Variants in MMP27 observed in about 807,000 individuals in gnomAD.
The protein encoded by MMP27 is matrix metalloproteinase-27.
In MMP27, 51 loss-of-function variants were observed where a neutral mutation model predicts 48.1. The ratio of observed to expected loss-of-function variants is 1.06; its 90% CI spans 0.85 to 1.34. The LOEUF (loss-of-function observed/expected upper bound fraction) is 1.34, where lower values mean the gene tolerates loss of function less well. Among genes scored for constraint, MMP27 ranks in the 40% most tolerant of loss-of-function variants. The pLI, the probability that MMP27 is intolerant of heterozygous loss-of-function variation, is 0.00. For missense variants in MMP27, 698 were observed against 619.3 expected, an observed-to-expected ratio of 1.13 and a Z score of -1.35; for synonymous variants, 229 against 208.9, an observed-to-expected ratio of 1.10 and a Z score of -0.83.
chr11:102,704,858 C>A, intron 1 of MMP27, 83 bp from the exon 2 acceptor site: 2 of 814,886 alleles, frequency 2.5e-6, no homozygotes, highest in East Asian at 2.7e-5. Context: ...GCAAAATTGC[C>A]TAAAATTCCT....
chr11:102,704,389 G>T, intron 2 of MMP27, 148 bp downstream of exon 2: 1 of 700,454 alleles, frequency 1.4e-6, no homozygotes, highest in Non-Finnish European at 2.5e-6. Flanking sequence ...TACAGCACAG[G>T]TTTGTTGGGA....
intron 4 of MMP27, among the ~76,000 whole-genome samples, chr11:102,701,934 A>ACCTG (rs1275957156): frequency 6.6e-6 from 1 of 152,190 alleles, no homozygotes; most frequent in African/African-American, 2.4e-5. Context: ...GACCACTACA[A>ACCTG]CCTGTGCTTT....
Position 102,700,179 on chromosome 11 carries a change from A to G in MMP27, c.619+2574T>C, listed in dbSNP as rs1591660606. Among the ~76,000 whole-genome samples the G allele has an allele frequency of 2.6e-5, 4 of 152,356 alleles. No homozygotes were observed. The South Asian group carries it at 8.3e-4, about 32-fold the overall frequency. On this transcript the variant is annotated intron_variant, in intron 4 of 9. Transcript: ENST00000260229. The stretch of plus-strand genomic sequence containing the variant: ...GAGCCTGAGTCATAGTGGATGTTCA[A>G]TAAATGATCATTGAGTGACTTTATT...
chr11:102,703,682 C>T (rs1462808330), intron 2 of MMP27, among the ~76,000 whole-genome samples: 3 of 152,070 alleles, frequency 2.0e-5, no homozygotes, highest in Non-Finnish European at 2.9e-5. Flanking sequence ...GCCACCAGGC[C>T]CAGCTAATTT....
intron 4 of MMP27, 115 bp downstream of exon 4, chr11:102,702,638 A>T (rs1860962179): frequency 8.0e-7 from 1 of 1,244,674 alleles, no homozygotes; most frequent in Non-Finnish European, 1.1e-6. Flanking sequence ...TGGAATATGG[A>T]AAATTGTGGG....
At position 102,702,799 on chromosome 11, in the gene MMP27, A is replaced by G. The variant is rs544600526; in HGVS notation, c.573T>C (p.Gly191=). ...TTTCATCCTCATCAAAATGAGTGTC[A>G]CCACCCAGACCCGGACCAGGAGGAA... is the stretch of plus-strand genomic sequence containing the variant. ...HAFPPGPGLG[G]DTHFDEDENW... The change falls in exon 4 of 10, where the codon GGT becomes GGC. Residue 191 remains glycine, a synonymous_variant. Transcript: ENST00000260229. 6.9e-5 allele frequency: 111 copies of G among 1,613,926 alleles called. No homozygotes were observed. The highest frequency in any genetic ancestry group is 9.2e-5 in the Non-Finnish European group (108 of 1,179,968).
At chr11:102,700,672 T>C (rs898361414) in intron 4 of MMP27, among the ~76,000 whole-genome samples, 1 of 152,246 alleles carries the variant, frequency 6.6e-6, no homozygotes, top group Non-Finnish European at 1.5e-5. Context: ...AAACCATTGC[T>C]TTTTCTCCTT....
rs755797511 is a variant in MMP27, at chr11:102,695,102, G to A, written c.903-5C>T. 2 of 1,611,702 alleles carry A rather than the reference G, an allele frequency of 1.2e-6. No homozygotes were observed. Among genetic ancestry groups the A allele is most frequent in the African/African-American group, 2.7e-5 (2 of 74,858 alleles). ...TAATAGATCCTCCATAGGTGCCTGT[G>A]TTAAACAAAAAACACTTTACACATG... On this transcript the variant is annotated splice_polypyrimidine_tract_variant and splice_region_variant and intron_variant, in intron 6 of 9. Coordinates refer to ENST00000260229, the MANE Select transcript of MMP27 (RefSeq NM_022122.3).
chr11:102,694,731 CT>C lies in MMP27; in HGVS notation c.1033+235del, dbSNP rs571738228. On this transcript the variant is annotated intron_variant, in intron 7 of 9. Coordinates refer to ENST00000260229, the MANE Select transcript of MMP27 (RefSeq NM_022122.3). Reference sequence around the variant, plus strand: ...TACCTTTATTTGGCAGAAAAAGAGACTTTTTTAGTTTTTATCACACAGGTTT... The same window carrying C: ...TACCTTTATTTGGCAGAAAAAGAGACTTTTTAGTTTTTATCACACAGGTTT... 1.6e-3 allele frequency among the ~76,000 whole-genome samples: 242 copies of C among 152,176 alleles called. 2 individuals are homozygous for C. The highest frequency in any genetic ancestry group is 2.5e-3 in the Non-Finnish European group (172 of 67,990).
chr11:102,696,524 A>C, intron 5 of MMP27, 33 bp from the exon 6 acceptor site: 1 of 1,610,222 alleles, frequency 6.2e-7, no homozygotes, highest in Non-Finnish European at 8.5e-7. Flanking sequence ...ACAATGAATT[A>C]AGAGGGCATG....
rs150709764 is a variant in MMP27 at position 102,704,676 on chromosome 11, C to G, written c.202G>C (p.Ala68Pro). ...CCAGTCACTGTCAATCCAAAAAATG[C>G]TTGCATTTCCCGAATTTTGTCATCT... ...LIDDKIREMQ[A>P]FFGLTVTGKL... The change falls in exon 2 of 10, where the codon GCA becomes CCA. Residue 68 changes from alanine (A) to proline (P), a missense_variant. Physicochemically the swap from Ala to Pro is conservative, Grantham distance 27. Coordinates refer to ENST00000260229, the MANE Select transcript of MMP27 (RefSeq NM_022122.3). The G allele has an allele frequency of 1.2e-6, 2 of 1,613,746 alleles. No individual in the cohort carries two copies. The highest frequency in any genetic ancestry group is 2.7e-5 in the African/African-American group (2 of 74,834).
At chr11:102,693,088 G>A (rs1860755623) in intron 8 of MMP27, 47 bp from the exon 9 acceptor site, 1 of 1,511,468 alleles carries the variant, frequency 6.6e-7, no homozygotes, top group African/African-American at 1.4e-5. Context: ...TTGGTTTGGG[G>A]AGCTTAATTT....
chr11:102,700,949 A>G (rs1413378146), intron 4 of MMP27, among the ~76,000 whole-genome samples: 1 of 152,252 alleles, frequency 6.6e-6, no homozygotes, highest in African/African-American at 2.4e-5. Flanking sequence ...CCCTTCCATA[A>G]AACAGAGCCT....
At position 102,704,690 on chromosome 11, in the gene MMP27, A is replaced by G. The variant is rs751572669; in HGVS notation, c.188T>C (p.Ile63Thr). 6 of 1,613,870 alleles carry G rather than the reference A, an allele frequency of 3.7e-6. No homozygotes were observed. The South Asian group carries it at 6.6e-5, about 18-fold the overall frequency. ...TCCAAAAAATGCTTGCATTTCCCGAATTTTGTCATCTATGAGACTCCTATT... is the reference window on the plus strand; with the variant it reads ...TCCAAAAAATGCTTGCATTTCCCGAGTTTTGTCATCTATGAGACTCCTATT... ...SKNRSLIDDK[I>T]REMQAFFGLT... Residue 63 changes from isoleucine to threonine, a missense_variant, in exon 2 of 10, where the codon ATT becomes ACT. Physicochemically the swap from Ile to Thr is moderately conservative, Grantham distance 89 (BLOSUM62 -1). Transcript: ENST00000260229.
chr11:102,693,817 T>C, intron 8 of MMP27, 89 bp downstream of exon 8: 3 of 1,099,794 alleles, frequency 2.7e-6, no homozygotes, highest in Non-Finnish European at 3.8e-6. Context: ...ATATTATGGA[T>C]TCATTTTAAT....
In MMP27 at chr11:102,704,532, A is replaced by T. The variant is rs781410099; in HGVS notation, c.341+5T>A. ...TAGGCGGAAATAAGCTGGCAGAAGC[A>T]TTACCTGTAGGTGAGGTTGTATTTT... On this transcript the variant is annotated splice_donor_5th_base_variant and intron_variant, in intron 2 of 9. Transcript: ENST00000260229. 1 of 1,597,612 alleles carries T rather than the reference A, an allele frequency of 6.3e-7. No homozygotes were observed. The highest frequency in any genetic ancestry group is 1.1e-5 in the South Asian group (1 of 90,266).
In MMP27 at chr11:102,696,440, G is replaced by A. The variant is rs1309811063; in HGVS notation, c.833C>T (p.Ala278Val). Residue 278 changes from alanine (A) to valine (V), a missense_variant, in exon 6 of 10, where the codon GCC (alanine) becomes GTC (valine). Ala to Val is a moderately conservative substitution (Grantham distance 64). Coordinates refer to ENST00000260229, the MANE Select transcript of MMP27 (RefSeq NM_022122.3). ...GTCAAAAGTCAAGTCAGGGTCACAG[G>A]CATGGGGTATAGTGGGTTCCTTTGG... Reference protein sequence around the residue: ...AKPKEPTIPHACDPDLTFDAI... With the variant: ...AKPKEPTIPHVCDPDLTFDAI... 4 of 1,613,834 alleles carry A rather than the reference G, an allele frequency of 2.5e-6. No homozygotes were observed. The South Asian group carries it at 4.4e-5, about 18-fold the overall frequency.
intron 4 of MMP27, among the ~76,000 whole-genome samples, chr11:102,700,624 T>C (rs1275077080): frequency 6.6e-6 from 1 of 152,240 alleles, no homozygotes; most frequent in African/African-American, 2.4e-5. Flanking sequence ...AGCTGGTCAA[T>C]GGGAAGCCCT....
chr11:102,696,917 G>A, intron 4 of MMP27, 82 bp from the exon 5 acceptor site: 1 of 1,434,216 alleles, frequency 7.0e-7, no homozygotes. Context: ...AGTAACTAAG[G>A]GGAATGAAAT....
Sources: gnomAD v4.1 joint callset for allele counts (sites outside exome capture counted in the v4.1 genomes callset) on GRCh38, gnomAD v4.1.1 for gene constraint, MANE v1.5 for transcripts, NCBI Gene and HGNC (gene_info 2026-07-23, HGNC 2026-07-21) for gene names.